The following LTBP1 variants were observed in gnomAD, a reference collection of about 807,000 sequenced individuals.
The protein encoded by LTBP1 is latent transforming growth factor beta binding protein 1, also known as latent-transforming growth factor beta-binding protein 1.
LTBP1 carries 129 observed loss-of-function variants against 207.6 expected under a neutral mutation model. That is an observed-to-expected ratio of 0.62 (90% CI 0.54 to 0.72). LTBP1 has a LOEUF of 0.72. Among genes scored for constraint, LTBP1 ranks in the 30% least tolerant of loss-of-function variants. The probability of loss-of-function intolerance (pLI) is 0.00; values close to 1 mark genes in which losing one functional copy is unlikely to be tolerated. For synonymous variants in LTBP1, 963 were observed against 833.7 expected (o/e 1.16, Z -2.67); for missense variants, 2,281 against 2,217.2 (o/e 1.03, Z -0.58).
intron 3 of LTBP1, among the ~76,000 whole-genome samples, chr2:33,105,016 GTTC>G (rs1453631397): frequency 6.6e-6 from 1 of 152,094 alleles, no homozygotes; most frequent in Non-Finnish European, 1.5e-5. Flanking sequence ...AGTCCTGTTA[GTTC>G]TTCTTATAGT....
rs933318272 is a variant in LTBP1 at position 33,095,116 on chromosome 2, T to A, written c.864-15466T>A. 3.3e-5 allele frequency among the ~76,000 whole-genome samples: 5 copies of A among 152,206 alleles called. No individual in the cohort carries two copies. In the South Asian group the frequency reaches 1.0e-3, roughly 31 times the overall value. On this transcript the variant is annotated intron_variant, in intron 3 of 33. Transcript: ENST00000404816. The stretch of plus-strand genomic sequence containing the variant: ...TAAAGCAAGAAAATATATATCAGTA[T>A]ATAACAATAGTGATCTTGAATAAAG...
At chr2:33,373,327 A>G (rs2095093654) in intron 31 of LTBP1, among the ~76,000 whole-genome samples, 1 of 152,234 alleles carries the variant, frequency 6.6e-6, no homozygotes, top group Admixed American at 6.5e-5. Flanking sequence ...TGGTCCTCTC[A>G]GTGTTGCTAA....
At chr2:32,972,312 T>C (rs1681021951) in intron 2 of LTBP1, among the ~76,000 whole-genome samples, 1 of 152,048 alleles carries the variant, frequency 6.6e-6, no homozygotes, top group Admixed American at 6.6e-5. Context: ...TCAGCTCTGA[T>C]TTTGGTTATT....
At chr2:33,293,831 CA>C (rs1407944003) in intron 20 of LTBP1, among the ~76,000 whole-genome samples, 2 of 151,894 alleles carry the variant, frequency 1.3e-5, no homozygotes, top group African/African-American at 2.4e-5. Flanking sequence ...GTATACCTAC[CA>C]TAAGTGTTTT....
At chr2:33,291,009 T>C (rs1161735810) in intron 19 of LTBP1, among the ~76,000 whole-genome samples, 1 of 152,246 alleles carries the variant, frequency 6.6e-6, no homozygotes, top group East Asian at 1.9e-4. Context: ...TTTAGTGATA[T>C]TTTACTGTCT....
At chr2:33,295,156 T>A (rs958188247) in intron 20 of LTBP1, among the ~76,000 whole-genome samples, 1 of 152,178 alleles carries the variant, frequency 6.6e-6, no homozygotes, top group African/African-American at 2.4e-5. Flanking sequence ...TTATATTTGT[T>A]TTTAAAATTT....
intron 24 of LTBP1, among the ~76,000 whole-genome samples, chr2:33,330,510 T>A (rs1217622753): frequency 6.6e-6 from 1 of 151,758 alleles, no homozygotes; most frequent in Admixed American, 6.6e-5. Flanking sequence ...ATATTCTTTA[T>A]CAGATAAAGA....
chr2:32,990,251 CTT>C (rs1176268969), intron 2 of LTBP1, among the ~76,000 whole-genome samples: 4 of 152,230 alleles, frequency 2.6e-5, no homozygotes, highest in Non-Finnish European at 5.9e-5. Flanking sequence ...CGTAAACTCT[CTT>C]GTCTACTGGA....
chr2:33,395,245 G>A (rs1438873506), intron 32 of LTBP1, among the ~76,000 whole-genome samples: 1 of 152,172 alleles, frequency 6.6e-6, no homozygotes, highest in Non-Finnish European at 1.5e-5. Context: ...CTTGGCCAGG[G>A]TCACAGGCAT....
chr2:32,948,315 G>T (rs1259859286), intron 1 of LTBP1, among the ~76,000 whole-genome samples: 2 of 152,180 alleles, frequency 1.3e-5, no homozygotes, highest in African/African-American at 4.8e-5. Context: ...CTGCACCTGT[G>T]GGGTCTGCTT....
chr2:33,392,941 G>T (rs1204496880), intron 32 of LTBP1, among the ~76,000 whole-genome samples: 1 of 151,136 alleles, frequency 6.6e-6, no homozygotes, highest in African/African-American at 2.4e-5. Context: ...CCCATGAGCT[G>T]AGGAGATTCT....
At chr2:33,377,531 C>T (rs900030061) in intron 31 of LTBP1, among the ~76,000 whole-genome samples, 2 of 152,110 alleles carry the variant, frequency 1.3e-5, no homozygotes, top group African/African-American at 4.8e-5. Context: ...AGTATTTGGC[C>T]ACTCTCTGTT....
chr2:33,379,986 T>A (rs888041292), intron 31 of LTBP1, among the ~76,000 whole-genome samples: 10 of 152,344 alleles, frequency 6.6e-5, no homozygotes, highest in African/African-American at 1.2e-4. Flanking sequence ...CAATTTTCTT[T>A]ATAATTTAAT....
intron 3 of LTBP1, among the ~76,000 whole-genome samples, chr2:33,036,137 C>G (rs2075906508): frequency 6.6e-6 from 1 of 152,146 alleles, no homozygotes; most frequent in Admixed American, 6.5e-5. Flanking sequence ...CAGTGGCTCT[C>G]AAACTGGAGC....
chr2:33,168,645 T>TA (rs1350795710), intron 5 of LTBP1, among the ~76,000 whole-genome samples: 1 of 151,846 alleles, frequency 6.6e-6, no homozygotes, highest in East Asian at 1.9e-4. Context: ...CATGGAGATT[T>TA]AAAGGTCACA....
At chr2:33,220,866 G>A (rs963142379) in intron 8 of LTBP1, among the ~76,000 whole-genome samples, 3 of 152,166 alleles carry the variant, frequency 2.0e-5, no homozygotes, top group Admixed American at 2.0e-4. Context: ...GCATTCGGGG[G>A]AATCTGAAGA....
At chr2:33,339,996 G>T (rs1225380983) in intron 24 of LTBP1, among the ~76,000 whole-genome samples, 1 of 152,078 alleles carries the variant, frequency 6.6e-6, no homozygotes, top group Non-Finnish European at 1.5e-5. Context: ...AGTTTAGTAG[G>T]AAGACAGTGA....
chr2:33,284,496 A>G (rs537546051), intron 19 of LTBP1, among the ~76,000 whole-genome samples: 115 of 152,236 alleles, frequency 7.6e-4, no homozygotes, highest in African/African-American at 2.5e-3. Context: ...TGGACCTGAC[A>G]TTCAGCCTGG....
intron 3 of LTBP1, among the ~76,000 whole-genome samples, chr2:33,074,801 T>A (rs1572508593): frequency 7.0e-6 from 1 of 142,880 alleles, no homozygotes; most frequent in African/African-American, 2.8e-5. Flanking sequence ...ACCGAGGAGG[T>A]GGAGGTTGCA....
Sources: gnomAD v4.1 joint callset for allele counts (sites outside exome capture counted in the v4.1 genomes callset) on GRCh38, gnomAD v4.1.1 for gene constraint, MANE v1.5 for transcripts, NCBI Gene and HGNC (gene_info 2026-07-23, HGNC 2026-07-21) for gene names.